PDGFRL: variants seen among roughly 807,000 people sequenced by gnomAD.
PDGFRL encodes platelet derived growth factor receptor like.
PDGFRL carries 46 observed loss-of-function variants against 37.2 expected under a neutral mutation model. That is an observed-to-expected ratio of 1.24 (90% CI 0.98 to 1.58). The LOEUF is 1.58. Among genes scored for constraint, PDGFRL ranks in the 40% most tolerant of loss-of-function variants. The pLI, the probability that PDGFRL is intolerant of heterozygous loss-of-function variation, is 0.00. For synonymous variants in PDGFRL, 251 were observed against 184.3 expected, an observed-to-expected ratio of 1.36 and a Z score of -2.93; for missense variants, 692 against 467.6, an observed-to-expected ratio of 1.48 and a Z score of -4.43.
At chr8:17,593,598 A>G (rs1369291599) in intron 2 of PDGFRL, among the ~76,000 whole-genome samples, 1 of 143,692 alleles carries the variant, frequency 7.0e-6, no homozygotes, top group East Asian at 2.0e-4. Flanking sequence ...GACTGTTTCA[A>G]AAAAAAAAAA....
intron 2 of PDGFRL, among the ~76,000 whole-genome samples, chr8:17,590,959 T>C (rs1457295998): frequency 1.3e-5 from 2 of 150,424 alleles, no homozygotes; most frequent in Non-Finnish European, 3.0e-5. Flanking sequence ...CTTGGCTCAC[T>C]ACAAGCTCCG....
chr8:17,630,135 T>C (rs771212270), intron 4 of PDGFRL, among the ~76,000 whole-genome samples: 1 of 152,194 alleles, frequency 6.6e-6, no homozygotes, highest in Non-Finnish European at 1.5e-5. Flanking sequence ...TCGTCTACCC[T>C]GCCTGGTGTC....
intron 1 of PDGFRL, among the ~76,000 whole-genome samples, chr8:17,580,332 A>C (rs2720572): frequency 6.6e-6 from 1 of 152,318 alleles, no homozygotes; most frequent in East Asian, 1.9e-4. Context: ...TGAGAAAAAA[A>C]AAGAGTAAAA....
At chr8:17,593,124 G>A (rs1803978194) in intron 2 of PDGFRL, among the ~76,000 whole-genome samples, 1 of 152,132 alleles carries the variant, frequency 6.6e-6, no homozygotes, top group Non-Finnish European at 1.5e-5. Context: ...AGGTGAGTGG[G>A]CTGGATGTGG....
chr8:17,605,342 C>T (rs901190623), intron 2 of PDGFRL, among the ~76,000 whole-genome samples: 3 of 152,104 alleles, frequency 2.0e-5, no homozygotes, highest in Non-Finnish European at 4.4e-5. Flanking sequence ...TGTTCTTGGA[C>T]CTCATGCTTT....
chr8:17,596,933 C>T (rs557345880), intron 2 of PDGFRL, among the ~76,000 whole-genome samples: 2 of 152,268 alleles, frequency 1.3e-5, no homozygotes, highest in South Asian at 2.1e-4. Context: ...TTCTTTTTTC[C>T]GTAGAATGAG....
intron 2 of PDGFRL, among the ~76,000 whole-genome samples, chr8:17,597,774 G>A (rs78243536): frequency 0.035 from 5,261 of 152,214 alleles, 113 homozygotes; most frequent in East Asian, 0.088. Context: ...TAGCAAGGAT[G>A]CTGCCTCAGT....
chr8:17,604,965 A>G (rs1443691152), intron 2 of PDGFRL, among the ~76,000 whole-genome samples: 1 of 152,048 alleles, frequency 6.6e-6, no homozygotes, highest in African/African-American at 2.4e-5. Context: ...AAAGATACAC[A>G]AATTAGCAGA....
intron 2 of PDGFRL, among the ~76,000 whole-genome samples, chr8:17,610,703 G>T (rs1804392916): frequency 6.6e-6 from 1 of 152,186 alleles, no homozygotes; most frequent in African/African-American, 2.4e-5. Context: ...TTGAGCTCGG[G>T]AGCTAAAGAG....
At chr8:17,578,775 C>T (rs968245857) in intron 1 of PDGFRL, among the ~76,000 whole-genome samples, 3 of 152,186 alleles carry the variant, frequency 2.0e-5, no homozygotes, top group Non-Finnish European at 4.4e-5. Flanking sequence ...TAAATTTACC[C>T]TTTCTTTAAG....
At chr8:17,632,626 T>A (rs931066151) in intron 4 of PDGFRL, among the ~76,000 whole-genome samples, 7 of 152,200 alleles carry the variant, frequency 4.6e-5, no homozygotes, top group Non-Finnish European at 1.0e-4. Context: ...AGTGAGCCAC[T>A]GTGCCCGTTC....
chr8:17,623,347 C>A (rs567141222), intron 3 of PDGFRL, among the ~76,000 whole-genome samples: 1 of 152,210 alleles, frequency 6.6e-6, no homozygotes, highest in South Asian at 2.1e-4. Flanking sequence ...CATTTTGGAA[C>A]TCGCTACACA....
At chr8:17,617,686 G>T (rs1245015750) in intron 2 of PDGFRL, among the ~76,000 whole-genome samples, 5 of 152,224 alleles carry the variant, frequency 3.3e-5, no homozygotes, top group Admixed American at 3.3e-4. Context: ...ATGCAGAACT[G>T]TTTTCCAGTG....
intron 4 of PDGFRL, among the ~76,000 whole-genome samples, chr8:17,631,675 C>T (rs1656691949): frequency 6.6e-6 from 1 of 152,154 alleles, no homozygotes; most frequent in South Asian, 2.1e-4. Flanking sequence ...ACCAAAACGG[C>T]TATTGCCAAG....
chr8:17,617,670 G>A (rs928578745), intron 2 of PDGFRL, among the ~76,000 whole-genome samples: 17 of 152,166 alleles, frequency 1.1e-4, no homozygotes, highest in Non-Finnish European at 1.3e-4. Flanking sequence ...AAGAGGGGGT[G>A]GAAAAATGCA....
At chr8:17,589,882 A>G (rs1008345818) in intron 2 of PDGFRL, 117 bp downstream of exon 2, 2 of 652,644 alleles carry the variant, frequency 3.1e-6, no homozygotes, top group Non-Finnish European at 5.2e-6. Context: ...CTAATAGATC[A>G]TAAAAATAGA....
intron 2 of PDGFRL, among the ~76,000 whole-genome samples, chr8:17,610,387 A>G (rs904903044): frequency 6.6e-6 from 1 of 152,212 alleles, no homozygotes; most frequent in African/African-American, 2.4e-5. Context: ...TTTGAGCAAT[A>G]TGACATTCAA....
At chr8:17,604,741 T>C (rs1396927519) in intron 2 of PDGFRL, among the ~76,000 whole-genome samples, 1 of 152,048 alleles carries the variant, frequency 6.6e-6, no homozygotes, top group Non-Finnish European at 1.5e-5. Context: ...ATAATAATAA[T>C]AAAATTTAAA....
At chr8:17,597,966 A>G (rs910507631) in intron 2 of PDGFRL, among the ~76,000 whole-genome samples, 8 of 151,138 alleles carry the variant, frequency 5.3e-5, no homozygotes, top group African/African-American at 1.9e-4. Flanking sequence ...CATCAATGTT[A>G]TATAGCATTG....
Sources: gnomAD v4.1 joint callset for allele counts (sites outside exome capture counted in the v4.1 genomes callset) on GRCh38, gnomAD v4.1.1 for gene constraint, MANE v1.5 for transcripts, NCBI Gene and HGNC (gene_info 2026-07-23, HGNC 2026-07-21) for gene names.